Variants in NQO1 observed in about 807,000 individuals in gnomAD.
NQO1 encodes NAD(P)H quinone dehydrogenase 1.
Under a neutral mutation model 32.1 loss-of-function variants are expected in NQO1, and 30 were observed. The observed-to-expected ratio is 0.94, with a 90% CI of 0.70 to 1.27. The LOEUF is 1.27. Among genes scored for constraint, NQO1 ranks in the 50% most tolerant of loss-of-function variants. NQO1 has a pLI of 0.00. For synonymous variants in NQO1, 109 were observed against 119.7 expected (o/e 0.91, Z 0.59); for missense variants, 276 against 331.3 (o/e 0.83, Z 1.30).
intron 1 of NQO1, among the ~76,000 whole-genome samples, chr16:69,721,465 C>T (rs1448804177): frequency 6.6e-6 from 1 of 152,200 alleles, no homozygotes; most frequent in African/African-American, 2.4e-5. Context: ...CCAAACCTGC[C>T]AGCACCTTGA....
chr16:69,726,475 C>T lies in NQO1; in HGVS notation c.-36G>A, dbSNP rs368341988. 5.6e-6 allele frequency: 9 copies of T among 1,604,980 alleles called. No individual in the cohort carries two copies. Among genetic ancestry groups the T allele is most frequent in the South Asian group, 1.1e-5 (1 of 90,866 alleles). On this transcript the variant is annotated 5_prime_UTR_variant, in exon 1 of 6. Transcript: ENST00000320623. ...CAGTCCGGGGCGCTGATTGGCTGGG[C>T]TCGTGGTTGCCGGGGCGACCCTGGC...
chr16:69,725,090 G>A (rs1240450089), intron 1 of NQO1, among the ~76,000 whole-genome samples: 2 of 152,176 alleles, frequency 1.3e-5, no homozygotes, highest in Non-Finnish European at 2.9e-5. Context: ...CCGTGTATGC[G>A]GCAAGCCTCT....
rs142706200 is a variant in NQO1, at chr16:69,726,287, C to T, written c.7+146G>A. 4 of 1,127,568 alleles carry T rather than the reference C, an allele frequency of 3.5e-6. No homozygotes were observed. In the South Asian group the frequency reaches 6.7e-5, roughly 19 times the overall value. 69.8% of individuals were successfully genotyped at this position (1,127,568 alleles called of 1,614,324 possible). A position where few individuals can be genotyped will look rare whatever the true frequency, so the allele number is the denominator to read the frequency against. ...AGCTCTCCTTCTCCCGGAGTCCGAT[C>T]AAGGCTCATCCCAGGTCCCTAATCT... On this transcript the variant is annotated intron_variant, in intron 1 of 5. Coordinates refer to ENST00000320623, the MANE Select transcript of NQO1 (RefSeq NM_000903.3).
chr16:69,713,513 G>A (rs954264324), intron 4 of NQO1, among the ~76,000 whole-genome samples: 5 of 152,144 alleles, frequency 3.3e-5, no homozygotes, highest in Non-Finnish European at 7.3e-5. Flanking sequence ...AGGGTTCCCT[G>A]TGCAGGATTT....
intron 1 of NQO1, among the ~76,000 whole-genome samples, chr16:69,725,072 A>G (rs1326865488): frequency 1.3e-5 from 2 of 152,148 alleles, no homozygotes; most frequent in Non-Finnish European, 2.9e-5. Flanking sequence ...CAAGGGAAAC[A>G]GCAACCACCG....
chr16:69,717,476 G>A (rs1187758271), intron 3 of NQO1, among the ~76,000 whole-genome samples: 1 of 151,620 alleles, frequency 6.6e-6, no homozygotes, highest in Non-Finnish European at 1.5e-5. Flanking sequence ...AACAGGAATC[G>A]CTAACCGCAG....
chr16:69,725,312 A>G (rs544691444), intron 1 of NQO1, among the ~76,000 whole-genome samples: 2 of 152,362 alleles, frequency 1.3e-5, no homozygotes, highest in East Asian at 3.9e-4. Context: ...AGGAAATTAC[A>G]AAACACAGGA....
chr16:69,717,244 C>T (rs1242059840), intron 3 of NQO1, among the ~76,000 whole-genome samples: 2 of 152,092 alleles, frequency 1.3e-5, no homozygotes, highest in African/African-American at 2.4e-5. Flanking sequence ...AGATCACTGA[C>T]GAGATGCACG....
Position 69,711,288 on chromosome 16 carries a change from A to G in NQO1, c.520-7T>C. The G allele has an allele frequency of 1.2e-6, 2 of 1,602,468 alleles. No individual in the cohort carries two copies. Among genetic ancestry groups the G allele is most frequent in the Non-Finnish European group, 1.7e-6 (2 of 1,171,970 alleles). On this transcript the variant is annotated splice_region_variant and splice_polypyrimidine_tract_variant and intron_variant, in intron 5 of 5. Transcript: ENST00000320623. ...AGAAATGCAGAATGCCACTCTGAGG[A>G]TACAGAAAGCACAGAGAGGTAAGTC...
intron 3 of NQO1, among the ~76,000 whole-genome samples, chr16:69,715,384 A>G (rs1487879473): frequency 6.6e-6 from 1 of 152,246 alleles, no homozygotes; most frequent in Non-Finnish European, 1.5e-5. Flanking sequence ...GCAAAGTCTA[A>G]ATAGCAAGGA....
chr16:69,711,366 C>A, intron 5 of NQO1, 85 bp from the exon 6 acceptor site: 1 of 1,141,956 alleles, frequency 8.8e-7, no homozygotes, highest in South Asian at 1.5e-5. Flanking sequence ...CTGGGCTTCT[C>A]AGTAAGACAC....
chr16:69,725,220 T>G (rs1053495669), intron 1 of NQO1, among the ~76,000 whole-genome samples: 1 of 152,204 alleles, frequency 6.6e-6, no homozygotes, highest in African/African-American at 2.4e-5. Context: ...GCAAGGGCAG[T>G]CTGTTCCTCC....
chr16:69,711,286 G>A lies in NQO1; in HGVS notation c.520-5C>T. 6.2e-7 allele frequency: 1 copy of A among 1,603,016 alleles called. No individual in the cohort carries two copies. The highest frequency in any genetic ancestry group is 1.8e-4 in the Middle Eastern group (1 of 5,506). ...ACAGAAATGCAGAATGCCACTCTGAGGATACAGAAAGCACAGAGAGGTAAG... is the reference window on the plus strand; with the variant it reads ...ACAGAAATGCAGAATGCCACTCTGAAGATACAGAAAGCACAGAGAGGTAAG... On this transcript the variant is annotated splice_region_variant and splice_polypyrimidine_tract_variant and intron_variant, in intron 5 of 5. Coordinates refer to ENST00000320623, the MANE Select transcript of NQO1 (RefSeq NM_000903.3).
Position 69,715,064 on chromosome 16 carries a change from C to A in NQO1, c.317G>T (p.Trp106Leu), listed in dbSNP as rs1305835941. The change falls in exon 4 of 6, where the codon TGG (tryptophan) becomes TTG (leucine). Residue 106 changes from tryptophan (W) to leucine (L), a missense_variant. By Grantham distance (61) the Trp-to-Leu change is moderately conservative. Transcript: ENST00000320623. ...TTTCAGAATGGCAGGGACTCCAAAC[C>A]ACTGCAGGGGGAACTGTGGGACAGA... The part of the protein sequence containing the change: ...DLVIFQFPLQ[W>L]FGVPAILKGW... The A allele has an allele frequency of 1.2e-6, 2 of 1,613,222 alleles. No homozygotes were observed.
chr16:69,712,739 T>G (rs2038057499), intron 5 of NQO1, among the ~76,000 whole-genome samples: 1 of 152,180 alleles, frequency 6.6e-6, no homozygotes, highest in African/African-American at 2.4e-5. Flanking sequence ...GTGCAGTGGC[T>G]CACGCCTGTA....
At chr16:69,712,102 C>T (rs1241590272) in intron 5 of NQO1, among the ~76,000 whole-genome samples, 2 of 152,076 alleles carry the variant, frequency 1.3e-5, no homozygotes, top group East Asian at 3.8e-4. Flanking sequence ...TTTCCTTTTT[C>T]TTCGAAACAG....
In NQO1 at chr16:69,714,948, A is replaced by C. The variant is rs1402930744; in HGVS notation, c.417+16T>G. ...CCAGAAGCTGGCTGTCAGAGCATTCAGAACCATCCACCTACCCGGAAGGGT... is the reference window on the plus strand; with the variant it reads ...CCAGAAGCTGGCTGTCAGAGCATTCCGAACCATCCACCTACCCGGAAGGGT... On this transcript the variant is annotated intron_variant, in intron 4 of 5. Coordinates refer to ENST00000320623, the MANE Select transcript of NQO1 (RefSeq NM_000903.3). 6.3e-7 allele frequency: 1 copy of C among 1,575,328 alleles called. No individual in the cohort carries two copies. The highest frequency in any genetic ancestry group is 2.2e-5 in the East Asian group (1 of 44,660).
chr16:69,719,302 T>C (rs1000175037), intron 1 of NQO1, among the ~76,000 whole-genome samples: 7 of 152,222 alleles, frequency 4.6e-5, no homozygotes, highest in Non-Finnish European at 1.0e-4. Flanking sequence ...ATAAATCTTT[T>C]ATCTCGCTCT....
At chr16:69,715,625 G>A (rs533580245) in intron 3 of NQO1, among the ~76,000 whole-genome samples, 15 of 151,972 alleles carry the variant, frequency 9.9e-5, no homozygotes, top group African/African-American at 2.7e-4. Flanking sequence ...AAAATCAACC[G>A]GGCGTGGTGG....
Sources: allele counts gnomAD v4.1 joint callset (sites outside exome capture counted in the v4.1 genomes callset), GRCh38; gene constraint gnomAD v4.1.1; transcripts MANE v1.5; gene names NCBI Gene and HGNC (gene_info 2026-07-23, HGNC 2026-07-21).